Variants in RIT2 observed in about 807,000 individuals in gnomAD.
RIT2 encodes GTP-binding protein Rit2.
A neutral mutation model predicts 23.7 loss-of-function variants in RIT2; 24 were observed. That is an observed-to-expected ratio of 1.01 (90% confidence interval 0.73 to 1.43). RIT2 has a LOEUF of 1.43. Among genes scored for constraint, RIT2 ranks in the 40% most tolerant of loss-of-function variants. The pLI, the probability that RIT2 is intolerant of heterozygous loss-of-function variation, is 0.00. For synonymous variants in RIT2, 107 were observed against 91.1 expected (o/e 1.17, Z -0.99); for missense variants, 236 against 266.9 (o/e 0.88, Z 0.81).
chr18:42,841,158 T>C (rs1416295881), intron 4 of RIT2, among the ~76,000 whole-genome samples: 2 of 152,224 alleles, frequency 1.3e-5, no homozygotes, highest in Non-Finnish European at 2.9e-5. Flanking sequence ...TTTCATTAAA[T>C]GCTTTTATGA....
chr18:42,910,406 A>C (rs929136404), intron 4 of RIT2, among the ~76,000 whole-genome samples: 1 of 152,110 alleles, frequency 6.6e-6, no homozygotes, highest in African/African-American at 2.4e-5. Flanking sequence ...TGGGTATAAG[A>C]GGGTGGTTTC....
intron 2 of RIT2, among the ~76,000 whole-genome samples, chr18:42,988,787 G>T (rs1910772928): frequency 6.6e-6 from 1 of 152,196 alleles, no homozygotes; most frequent in South Asian, 2.1e-4. Context: ...AAATGGAAGG[G>T]GAGAGAAATA....
chr18:43,026,425 G>A (rs1037525018), intron 2 of RIT2, among the ~76,000 whole-genome samples: 10 of 151,794 alleles, frequency 6.6e-5, no homozygotes, highest in South Asian at 2.1e-4. Context: ...GTGGTGGTGC[G>A]TGCCTGTAGT....
Position 43,115,406 on chromosome 18 carries a change from T to G in RIT2, c.103+11A>C. On this transcript the variant is annotated intron_variant, in intron 1 of 4. Transcript: ENST00000326695. ...GTCCCTCCTTCCCCAGCATTTGGTG[T>G]GAAAACTTACCGCTTTTACCAACTC... The G allele has an allele frequency of 6.2e-7, 1 of 1,613,196 alleles. No individual in the cohort carries two copies. Among genetic ancestry groups the G allele is most frequent in the Admixed American group, 1.7e-5 (1 of 59,832 alleles).
At chr18:42,886,784 G>A (rs1056634635) in intron 4 of RIT2, among the ~76,000 whole-genome samples, 7 of 152,272 alleles carry the variant, frequency 4.6e-5, no homozygotes, top group African/African-American at 1.7e-4. Context: ...ACAGTAGCAA[G>A]ATTGGCTGTT....
intron 2 of RIT2, among the ~76,000 whole-genome samples, chr18:43,013,053 A>T (rs1911387422): frequency 6.6e-6 from 1 of 151,738 alleles, no homozygotes; most frequent in African/African-American, 2.4e-5. Flanking sequence ...CAAACCAGTA[A>T]CCTGATTCAC....
intron 3 of RIT2, among the ~76,000 whole-genome samples, chr18:42,972,072 C>T (rs545119456): frequency 2.0e-5 from 3 of 151,996 alleles, no homozygotes; most frequent in East Asian, 3.9e-4. Context: ...TTGCTATTTC[C>T]CAGAGCAGCC....
At chr18:42,860,078 T>A (rs1338707597) in intron 4 of RIT2, among the ~76,000 whole-genome samples, 1 of 152,190 alleles carries the variant, frequency 6.6e-6, no homozygotes, top group Non-Finnish European at 1.5e-5. Flanking sequence ...TTTTGATGAA[T>A]ATCCTGGGGA....
intron 4 of RIT2, among the ~76,000 whole-genome samples, chr18:42,766,624 T>C (rs983804661): frequency 2.0e-5 from 3 of 152,210 alleles, no homozygotes; most frequent in African/African-American, 7.2e-5. Context: ...AAGCCGGCTG[T>C]AGAAATTTGC....
chr18:42,912,893 T>C (rs1312946374), intron 4 of RIT2, among the ~76,000 whole-genome samples: 1 of 151,968 alleles, frequency 6.6e-6, no homozygotes, highest in Non-Finnish European at 1.5e-5. Context: ...CGTAGTTCTT[T>C]GTAAACATAA....
chr18:42,909,955 T>G (rs1291237043), intron 4 of RIT2, among the ~76,000 whole-genome samples: 1 of 152,088 alleles, frequency 6.6e-6, no homozygotes, highest in Non-Finnish European at 1.5e-5. Flanking sequence ...GTTCTATGTA[T>G]GCAAAGGAAA....
At chr18:42,954,560 C>T (rs1045291582) in intron 3 of RIT2, among the ~76,000 whole-genome samples, 1 of 152,050 alleles carries the variant, frequency 6.6e-6, no homozygotes, top group African/African-American at 2.4e-5. Context: ...TCAAGACACA[C>T]AGCCTCACAA....
chr18:42,825,231 C>A (rs1238978971), intron 4 of RIT2, among the ~76,000 whole-genome samples: 3 of 151,524 alleles, frequency 2.0e-5, no homozygotes, highest in Non-Finnish European at 4.4e-5. Context: ...GAATATGGGA[C>A]AAAGAGTAGA....
At chr18:43,077,102 C>CAAAAAAGA (rs755511835) in intron 1 of RIT2, among the ~76,000 whole-genome samples, 1,686 of 80,236 alleles carry the variant, frequency 0.021, 61 homozygotes, top group African/African-American at 0.073. Flanking sequence ...GACTCCGTCT[C>CAAAAAAGA]AAAAAAAAAA....
chr18:43,041,348 T>C (rs1017659002), intron 1 of RIT2, among the ~76,000 whole-genome samples: 1 of 152,136 alleles, frequency 6.6e-6, no homozygotes, highest in African/African-American at 2.4e-5. Flanking sequence ...ACTTCTAAAA[T>C]TATTACAGTT....
chr18:43,032,110 ACTT>A (rs1441868639), intron 2 of RIT2, among the ~76,000 whole-genome samples: 5 of 152,130 alleles, frequency 3.3e-5, no homozygotes, highest in African/African-American at 7.2e-5. Flanking sequence ...CCATTTTCAA[ACTT>A]CTTCTTCTAA....
chr18:42,759,214 A>G (rs565050128), intron 4 of RIT2, among the ~76,000 whole-genome samples: 1 of 152,214 alleles, frequency 6.6e-6, no homozygotes, highest in African/African-American at 2.4e-5. Context: ...TCTCTTCCAC[A>G]TCTCTGTTAA....
chr18:42,767,450 G>A (rs1188326759), intron 4 of RIT2, among the ~76,000 whole-genome samples: 1 of 152,176 alleles, frequency 6.6e-6, no homozygotes. Flanking sequence ...TGGAATGGCT[G>A]TATTTACCAA....
At chr18:42,758,310 A>G (rs1186362718) in intron 4 of RIT2, among the ~76,000 whole-genome samples, 1 of 152,050 alleles carries the variant, frequency 6.6e-6, no homozygotes, top group Admixed American at 6.6e-5. Flanking sequence ...CACAATCTGT[A>G]TTCCATTTCA....
Sources: gnomAD v4.1 joint callset for allele counts (sites outside exome capture counted in the v4.1 genomes callset) on GRCh38, gnomAD v4.1.1 for gene constraint, MANE v1.5 for transcripts, NCBI Gene and HGNC (gene_info 2026-07-23, HGNC 2026-07-21) for gene names.